SPTB: variants seen among roughly 807,000 people sequenced by gnomAD.
The protein encoded by SPTB is spectrin beta chain, erythrocytic.
Under a neutral mutation model 256.2 loss-of-function variants are expected in SPTB, and 45 were observed. The observed-to-expected ratio is 0.18, with a 90% CI of 0.14 to 0.23. SPTB has a LOEUF of 0.23. Ranked by LOEUF, SPTB falls within the 10% of genes least tolerant of loss-of-function variation. SPTB has a pLI of 1.00. For synonymous variants in SPTB, 1,231 were observed against 1,243.1 expected (o/e 0.99, Z 0.21); for missense variants, 2,715 against 3,040.4 (o/e 0.89, Z 2.52).
rs2081883611 is a variant in SPTB at position 64,748,447 on chromosome 14, GCACCTGTCACT to G, written c.*848_*858del. ...GGAGAGCCTTAGGCAGTGTTGTGACGCACCTGTCACTCCTTCAGATCAGAGCCCTGTGCCCT... is the reference window on the plus strand; with the variant it reads ...GGAGAGCCTTAGGCAGTGTTGTGACGCCTTCAGATCAGAGCCCTGTGCCCT... On this transcript the variant is annotated 3_prime_UTR_variant, in exon 36 of 36. Coordinates refer to ENST00000644917, the MANE Select transcript of SPTB (RefSeq NM_001355436.2). The G allele has an allele frequency of 6.6e-6, 1 of 152,148 alleles. No individual in the cohort carries two copies. The highest frequency in any genetic ancestry group is 1.5e-5 in the Non-Finnish European group (1 of 68,066). 9.4% of individuals were successfully genotyped at this position (152,148 alleles called of 1,614,324 possible).
chr14:64,829,396 T>C (rs72625635), intron 1 of SPTB, among the ~76,000 whole-genome samples: 13,141 of 152,208 alleles, frequency 0.086, 599 homozygotes, highest in African/African-American at 0.11. Flanking sequence ...TCAAATATAA[T>C]GCACCTTGTT....
chr14:64,848,270 T>G (rs1240560964), intron 1 of SPTB, among the ~76,000 whole-genome samples: 1 of 152,222 alleles, frequency 6.6e-6, no homozygotes, highest in Non-Finnish European at 1.5e-5. Flanking sequence ...TCCAAATCTC[T>G]TTTGCTTTTT....
chr14:64,771,281 T>A, intron 26 of SPTB, 152 bp from the exon 27 acceptor site: 1 of 1,221,876 alleles, frequency 8.2e-7, no homozygotes, highest in Non-Finnish European at 1.2e-6. Context: ...GTGGGTGCTG[T>A]AGGAGAAGAC....
intron 2 of SPTB, among the ~76,000 whole-genome samples, chr14:64,810,939 G>A (rs368194): frequency 0.36 from 54,814 of 151,906 alleles, 10,669 homozygotes; most frequent in African/African-American, 0.51. Flanking sequence ...ATATAACAAG[G>A]TTGCATCTCT....
Position 64,746,567 on chromosome 14 carries a change from A to G in SPTB, c.*2739T>C, listed in dbSNP as rs1485392286. 1 of 152,436 alleles carries G rather than the reference A, an allele frequency of 6.6e-6. No homozygotes were observed. Among genetic ancestry groups the G allele is most frequent in the Non-Finnish European group, 1.5e-5 (1 of 67,996 alleles). The allele number at this position is 152,436 out of a possible 1,614,324, so 9.4% of individuals were successfully genotyped here. A position where few individuals can be genotyped will look rare whatever the true frequency, so the allele number is the denominator to read the frequency against. On this transcript the variant is annotated 3_prime_UTR_variant, in exon 36 of 36. Coordinates refer to ENST00000644917, the MANE Select transcript of SPTB (RefSeq NM_001355436.2). The surrounding 1 kb of genome is among the most constrained non-coding windows in gnomAD (Gnocchi z 4.9). The stretch of plus-strand genomic sequence containing the variant: ...GAGGAAGAGGATTCAGGGTCAGCCT[A>G]GGGGACCCTGGCTCCCTCCGATAGG...
At chr14:64,765,059 T>G (rs552080988) in intron 32 of SPTB, among the ~76,000 whole-genome samples, 80 of 6,676 alleles carry the variant, frequency 0.012, no homozygotes, top group African/African-American at 0.025. Flanking sequence ...CGCGCGCGGG[T>G]GGTGGATGGG....
chr14:64,801,323 T>C lies in SPTB; in HGVS notation c.725A>G (p.Glu242Gly). The change falls in exon 7 of 36, where the codon GAG becomes GGG. Residue 242 changes from glutamate to glycine, a missense_variant. Transcript: ENST00000644917. Reference sequence around the variant, plus strand: ...GAGCGGGATGATGCCCAGCTGGCGCTCAGCCACATTGAATGCGTGCTCCAG... The same window carrying C: ...GAGCGGGATGATGCCCAGCTGGCGCCCAGCCACATTGAATGCGTGCTCCAG... The part of the protein sequence containing the change: ...HNLEHAFNVA[E>G]RQLGIIPLLD... The C allele has an allele frequency of 6.2e-7, 1 of 1,614,158 alleles. No homozygotes were observed. The highest frequency in any genetic ancestry group is 8.5e-7 in the Non-Finnish European group (1 of 1,179,998).
rs2082048803 is a variant in SPTB, at chr14:64,758,530, A to G, written c.6346-4737T>C. On this transcript the variant is annotated intron_variant, in intron 32 of 35. Coordinates refer to ENST00000644917, the MANE Select transcript of SPTB (RefSeq NM_001355436.2). The surrounding 1 kb of genome is among the most constrained non-coding windows in gnomAD (Gnocchi z 4.6). ...AGAGGCCCCAGGTCCGGCCAAAGAC[A>G]ACGGCGTGCTGCTGAGTGGAGGGCT... Among the ~76,000 whole-genome samples, 1 of 152,248 alleles carries G rather than the reference A, an allele frequency of 6.6e-6. No homozygotes were observed. Among genetic ancestry groups the G allele is most frequent in the African/African-American group, 2.4e-5 (1 of 41,468 alleles).
chr14:64,794,446 G>A (rs1279236679), intron 13 of SPTB, 21 bp downstream of exon 13: 2 of 1,614,098 alleles, frequency 1.2e-6, no homozygotes, highest in Non-Finnish European at 8.5e-7. Flanking sequence ...GCCTCAAAAG[G>A]GGAGACAGAC....
chr14:64,797,925 G>C, intron 9 of SPTB, 79 bp from the exon 10 acceptor site: 2 of 966,636 alleles, frequency 2.1e-6, no homozygotes, highest in Non-Finnish European at 1.7e-6. Flanking sequence ...ACACGGAACT[G>C]TGGCATCTTG....
At chr14:64,789,773 G>A (rs907032604) in intron 15 of SPTB, among the ~76,000 whole-genome samples, 3 of 152,204 alleles carry the variant, frequency 2.0e-5, no homozygotes. Flanking sequence ...AGGATATGAA[G>A]CTCAAAACCA....
At chr14:64,872,912 T>C (rs1185235255) in intron 1 of SPTB, among the ~76,000 whole-genome samples, 1 of 152,218 alleles carries the variant, frequency 6.6e-6, no homozygotes, top group African/African-American at 2.4e-5. Context: ...TCTGCCATGA[T>C]TGTGAGTCAT....
chr14:64,768,343 T>C (rs2082222729), intron 29 of SPTB: 2 of 207,746 alleles, frequency 9.6e-6, no homozygotes, highest in Admixed American at 1.0e-4. Flanking sequence ...CCTGGCCCAA[T>C]AGTTATATTT....
At position 64,778,708 on chromosome 14, in the gene SPTB, T is replaced by G. The variant is rs1376300963; in HGVS notation, c.4563+449A>C. 6.6e-6 allele frequency among the ~76,000 whole-genome samples: 1 copy of G among 152,112 alleles called. No individual in the cohort carries two copies. Among genetic ancestry groups the G allele is most frequent in the African/African-American group, 2.4e-5 (1 of 41,416 alleles). ...AAGTATCCTCATATGTCGAGAGAAATGGGGCCTACTTACCCCAAGGACACC... is the reference window on the plus strand; with the variant it reads ...AAGTATCCTCATATGTCGAGAGAAAGGGGGCCTACTTACCCCAAGGACACC... On this transcript the variant is annotated intron_variant, in intron 22 of 35. Transcript: ENST00000644917. This position sits in a 1 kb window ranked among gnomAD's most constrained non-coding sequence, Gnocchi z 5.2.
At chr14:64,869,765 G>A (rs1379436138) in intron 1 of SPTB, among the ~76,000 whole-genome samples, 1 of 150,202 alleles carries the variant, frequency 6.7e-6, no homozygotes, top group African/African-American at 2.4e-5. Context: ...TGGAACTACA[G>A]GCACGTGCCA....
intron 2 of SPTB, among the ~76,000 whole-genome samples, chr14:64,818,516 C>T (rs1292320378): frequency 2.6e-5 from 4 of 152,150 alleles, no homozygotes; most frequent in Non-Finnish European, 4.4e-5. Context: ...CCTTCTGGGC[C>T]ACATCTACCC....
chr14:64,803,403 T>G (rs2082925240), intron 4 of SPTB, among the ~76,000 whole-genome samples: 1 of 152,170 alleles, frequency 6.6e-6, no homozygotes, highest in Non-Finnish European at 1.5e-5. Context: ...TACTACTGAG[T>G]GAGCAGCTCC....
chr14:64,773,138 C>G, intron 25 of SPTB, 82 bp downstream of exon 25: 1 of 1,585,288 alleles, frequency 6.3e-7, no homozygotes, highest in Non-Finnish European at 8.6e-7. Context: ...TCCTATGCAG[C>G]ACTCTGTGTG....
At chr14:64,821,489 TG>T (rs977556333) in intron 2 of SPTB, among the ~76,000 whole-genome samples, 6 of 152,202 alleles carry the variant, frequency 3.9e-5, no homozygotes, top group African/African-American at 1.4e-4. Flanking sequence ...TTACGGAATA[TG>T]GTACCCCTCT....
Sources: gnomAD v4.1 joint callset for allele counts (sites outside exome capture counted in the v4.1 genomes callset) on GRCh38, gnomAD v4.1.1 for gene constraint, Gnocchi (gnomAD v3.1) non-coding constraint, MANE v1.5 for transcripts, NCBI Gene and HGNC (gene_info 2026-07-23, HGNC 2026-07-21) for gene names.